Variants in CALN1 observed in about 807,000 individuals in gnomAD.
CALN1 encodes calcium-binding protein 8.
A neutral mutation model predicts 30.6 loss-of-function variants in CALN1; 17 were observed. The ratio of observed to expected loss-of-function variants is 0.56; its 90% confidence interval spans 0.38 to 0.83. The LOEUF (loss-of-function observed/expected upper bound fraction) is 0.83, where lower values mean the gene tolerates loss of function less well. CALN1 is among the 40% of genes least tolerant of loss of function. The pLI is 0.00. For synonymous variants in CALN1, 156 were observed against 131.4 expected (o/e 1.19, Z -1.28); for missense variants, 291 against 354.9 (o/e 0.82, Z 1.45).
At chr7:72,209,105 TTCTC>T (rs1282699593) in intron 3 of CALN1, among the ~76,000 whole-genome samples, 5 of 139,830 alleles carry the variant, frequency 3.6e-5, no homozygotes, top group African/African-American at 5.5e-5. Flanking sequence ...CTTGTGTCAT[TTCTC>T]TCTTTTTTAC....
rs112651214 is a variant in CALN1, at chr7:71,904,703, C to CG, written c.502-94212_502-94211insC. On this transcript the variant is annotated intron_variant, in intron 5 of 6. Coordinates refer to ENST00000395275, the MANE Select transcript of CALN1 (RefSeq NM_031468.4). ...GCTGAGTGGACAAATGCATTCTCCACAAAAATGATAACTATTTGAGGTCAC... is the reference window on the plus strand; with the variant it reads ...GCTGAGTGGACAAATGCATTCTCCACGAAAAATGATAACTATTTGAGGTCAC... Among the ~76,000 whole-genome samples the CG allele has an allele frequency of 2.9e-3, 434 of 152,264 alleles. 3 individuals are homozygous for CG. The highest frequency in any genetic ancestry group is 1.0e-2 in the African/African-American group (414 of 41,556).
chr7:72,404,994 A>G (rs1183938698), intron 1 of CALN1, among the ~76,000 whole-genome samples: 1 of 152,186 alleles, frequency 6.6e-6, no homozygotes, highest in African/African-American at 2.4e-5. Context: ...TCTGAACCAG[A>G]AACCCCCATG....
intron 5 of CALN1, among the ~76,000 whole-genome samples, chr7:71,917,992 C>T (rs547846827): frequency 6.6e-6 from 1 of 152,262 alleles, no homozygotes; most frequent in African/African-American, 2.4e-5. Flanking sequence ...TGTTTAGGGT[C>T]GATGGCATGC....
chr7:72,025,167 G>A (rs757546382), intron 4 of CALN1, among the ~76,000 whole-genome samples: 4 of 152,022 alleles, frequency 2.6e-5, no homozygotes, highest in Non-Finnish European at 5.9e-5. Context: ...AAAATTAGCT[G>A]GGTGTGGTTG....
intron 5 of CALN1, among the ~76,000 whole-genome samples, chr7:72,002,518 A>T (rs1041966836): frequency 2.6e-5 from 4 of 152,186 alleles, no homozygotes; most frequent in African/African-American, 9.7e-5. Flanking sequence ...AACAACCATA[A>T]GTCAGGAAAT....
At chr7:72,468,510 C>T in the CALN1 span, among the ~76,000 whole-genome samples, 16 of 152,248 alleles carry the variant, frequency 1.1e-4, no homozygotes, top group South Asian at 1.2e-3. Context: ...GATGGAGTTT[C>T]GCTATGTTGC....
intron 1 of CALN1, among the ~76,000 whole-genome samples, chr7:72,404,773 C>T (rs1806588375): frequency 6.6e-6 from 1 of 152,158 alleles, no homozygotes; most frequent in African/African-American, 2.4e-5. Context: ...CTGTAGAAAG[C>T]AGGAAGAAGG....
chr7:71,910,565 C>T (rs757197515), intron 5 of CALN1, among the ~76,000 whole-genome samples: 1 of 152,122 alleles, frequency 6.6e-6, no homozygotes, highest in South Asian at 2.1e-4. Context: ...TCCACTGAAG[C>T]CATGTTCATT....
rs1462720205 is a variant in CALN1, at chr7:72,023,869, C to T, written c.389-100G>A. 10 of 729,104 alleles carry T rather than the reference C, an allele frequency of 1.4e-5. 1 individual carries two copies. The South Asian group carries it at 1.8e-4, about 13-fold the overall frequency. 45.2% of individuals were successfully genotyped at this position (729,104 alleles called of 1,614,324 possible). A position where few individuals can be genotyped will look rare whatever the true frequency, so the allele number is the denominator to read the frequency against. On this transcript the variant is annotated intron_variant, in intron 4 of 6. Coordinates refer to ENST00000395275, the MANE Select transcript of CALN1 (RefSeq NM_031468.4). ...TCTACGCTTTTCTTCTTGGCATGAC[C>T]TCAATCAATGAAGAAGAGCTGGTAA...
At chr7:72,182,745 A>AG (rs398111460) in intron 3 of CALN1, among the ~76,000 whole-genome samples, 2 of 148,806 alleles carry the variant, frequency 1.3e-5, no homozygotes, top group African/African-American at 5.0e-5. Context: ...TGAAAAAAAA[A>AG]TGACAAAAAT....
intron 3 of CALN1, among the ~76,000 whole-genome samples, chr7:72,148,088 T>TAAA (rs1786903657): frequency 1.1e-5 from 1 of 87,230 alleles, no homozygotes; most frequent in Admixed American, 1.3e-4. Context: ...ACTTAAAGTA[T>TAAA]AATAAAAAAA....
At chr7:72,462,154 T>TTATGTATG in the CALN1 span, among the ~76,000 whole-genome samples, 9 of 151,372 alleles carry the variant, frequency 5.9e-5, no homozygotes, top group Non-Finnish European at 1.0e-4. Flanking sequence ...TTTATTTAAT[T>TTATGTATG]TATGTATGTA....
chr7:71,962,622 A>G (rs1797306308), intron 5 of CALN1, among the ~76,000 whole-genome samples: 1 of 152,208 alleles, frequency 6.6e-6, no homozygotes, highest in African/African-American at 2.4e-5. Context: ...GAGACTGACT[A>G]AGAAGATTTC....
chr7:72,034,564 G>C (rs1224834473), intron 4 of CALN1, among the ~76,000 whole-genome samples: 1 of 151,604 alleles, frequency 6.6e-6, no homozygotes, highest in Non-Finnish European at 1.5e-5. Flanking sequence ...AGGCCGATCA[G>C]ACAGATCACT....
chr7:72,004,198 A>T (rs1799659126), intron 5 of CALN1, among the ~76,000 whole-genome samples: 1 of 152,212 alleles, frequency 6.6e-6, no homozygotes, highest in African/African-American at 2.4e-5. Flanking sequence ...TGGATCAATG[A>T]AACAGAACAG....
the CALN1 span, among the ~76,000 whole-genome samples, chr7:72,456,974 G>A: frequency 6.7e-6 from 1 of 150,078 alleles, no homozygotes; most frequent in Non-Finnish European, 1.5e-5. Context: ...TGCATAATTG[G>A]TTCAGTCTTT....
At chr7:72,107,214 C>A (rs1391225208) in intron 3 of CALN1, among the ~76,000 whole-genome samples, 1 of 152,086 alleles carries the variant, frequency 6.6e-6, no homozygotes, top group Non-Finnish European at 1.5e-5. Flanking sequence ...TAACTGCAGT[C>A]CTCAGGAGGA....
chr7:72,183,929 G>A (rs971675496), intron 3 of CALN1, among the ~76,000 whole-genome samples: 2 of 151,726 alleles, frequency 1.3e-5, no homozygotes, highest in Non-Finnish European at 1.5e-5. Context: ...TAGTAAAGTC[G>A]CTTCATGGAT....
rs948006744 is a variant in CALN1 at position 72,357,667 on chromosome 7, C to A, written c.119+45584G>T. On this transcript the variant is annotated intron_variant, in intron 2 of 6. Transcript: ENST00000395275. ...GACAACAGTAGTTGAAAAAACTCCCCATTATGAGATAACATGTTTAGCCTA... is the reference window on the plus strand; with the variant it reads ...GACAACAGTAGTTGAAAAAACTCCCAATTATGAGATAACATGTTTAGCCTA... Among the ~76,000 whole-genome samples the A allele has an allele frequency of 2.6e-5, 4 of 151,610 alleles. No homozygotes were observed. The East Asian group carries it at 7.7e-4, about 29-fold the overall frequency.
Sources: gnomAD v4.1 joint callset for allele counts (sites outside exome capture counted in the v4.1 genomes callset) on GRCh38, gnomAD v4.1.1 for gene constraint, MANE v1.5 for transcripts, NCBI Gene and HGNC (gene_info 2026-07-23, HGNC 2026-07-21) for gene names.